The following MSRA variants were observed in gnomAD, a reference collection of about 807,000 sequenced individuals.
MSRA encodes the protein methionine sulfoxide reductase A, also known as mitochondrial peptide methionine sulfoxide reductase.
In MSRA, 54 loss-of-function variants were observed where a neutral mutation model predicts 31.3. That is an observed-to-expected ratio of 1.73 (90% CI 1.39 to 2.17). The LOEUF (loss-of-function observed/expected upper bound fraction) is 2.17. Among genes scored for constraint, MSRA ranks in the 30% most tolerant of loss-of-function variants. MSRA has a pLI of 0.00. For synonymous variants in MSRA, 169 were observed against 116.5 expected (o/e 1.45, Z -2.90); for missense variants, 507 against 300.9 (o/e 1.69, Z -5.07).
At chr8:10,322,325 T>A (rs949531117) in intron 5 of MSRA, among the ~76,000 whole-genome samples, 2 of 146,340 alleles carry the variant, frequency 1.4e-5, no homozygotes, top group Non-Finnish European at 3.0e-5. Flanking sequence ...GCAGCTATTA[T>A]AGGATTCCGG....
At chr8:10,118,100 C>T (rs1301530379) in intron 1 of MSRA, among the ~76,000 whole-genome samples, 1 of 152,146 alleles carries the variant, frequency 6.6e-6, no homozygotes, top group Non-Finnish European at 1.5e-5. Flanking sequence ...TGTTCATTCT[C>T]CCCTTGGGCT....
chr8:10,285,686 C>T (rs531494507), intron 3 of MSRA, among the ~76,000 whole-genome samples: 113 of 152,020 alleles, frequency 7.4e-4, no homozygotes, highest in African/African-American at 2.6e-3. Flanking sequence ...CCACTCTACT[C>T]TCTACTTCTA....
chr8:10,170,255 A>T (rs1347962765), intron 1 of MSRA, among the ~76,000 whole-genome samples: 1 of 151,996 alleles, frequency 6.6e-6, no homozygotes, highest in Non-Finnish European at 1.5e-5. Context: ...CTAATCTCCA[A>T]TGTGATGATA....
chr8:10,403,752 G>A (rs957793888), intron 5 of MSRA, among the ~76,000 whole-genome samples: 16 of 152,194 alleles, frequency 1.1e-4, no homozygotes, highest in African/African-American at 3.6e-4. Context: ...CAGCGATGCC[G>A]GTGGCTTCCA....
At chr8:10,087,239 G>A (rs990034018) in intron 1 of MSRA, among the ~76,000 whole-genome samples, 1 of 152,132 alleles carries the variant, frequency 6.6e-6, no homozygotes, top group Admixed American at 6.5e-5. Context: ...TATAAAATGA[G>A]TATGTTGGTG....
chr8:10,390,245 C>T (rs564272880), intron 5 of MSRA, among the ~76,000 whole-genome samples: 1 of 152,306 alleles, frequency 6.6e-6, no homozygotes, highest in East Asian at 1.9e-4. Context: ...GTGGGGCAGG[C>T]AGCCCTGAGA....
chr8:10,163,438 A>G (rs1433878596), intron 1 of MSRA, among the ~76,000 whole-genome samples: 1 of 152,184 alleles, frequency 6.6e-6, no homozygotes, highest in Non-Finnish European at 1.5e-5. Context: ...ACTGTTAATC[A>G]GCTGCCGCTG....
At chr8:10,238,432 C>G (rs954657364) in intron 2 of MSRA, among the ~76,000 whole-genome samples, 2 of 152,212 alleles carry the variant, frequency 1.3e-5, no homozygotes, top group Non-Finnish European at 2.9e-5. Context: ...AGTATACACA[C>G]TAAACAGGGT....
intron 1 of MSRA, among the ~76,000 whole-genome samples, chr8:10,124,212 A>T (rs954882389): frequency 3.3e-5 from 5 of 152,156 alleles, no homozygotes; most frequent in Non-Finnish European, 5.9e-5. Context: ...AAGATTTGTG[A>T]TAGATAAGTG....
intron 5 of MSRA, among the ~76,000 whole-genome samples, chr8:10,422,626 C>T (rs554075478): frequency 1.7e-4 from 26 of 152,280 alleles, no homozygotes; most frequent in South Asian, 4.1e-4. Flanking sequence ...AGTCAAGATA[C>T]TTGGAGTCAG....
At chr8:10,318,065 C>T (rs1238181962) in intron 4 of MSRA, among the ~76,000 whole-genome samples, 3 of 152,222 alleles carry the variant, frequency 2.0e-5, no homozygotes, top group African/African-American at 7.2e-5. Flanking sequence ...GGGATGCCCC[C>T]TCCCCAGCAG....
intron 5 of MSRA, among the ~76,000 whole-genome samples, chr8:10,404,244 A>C (rs1807651966): frequency 6.6e-6 from 1 of 152,124 alleles, no homozygotes; most frequent in African/African-American, 2.4e-5. Flanking sequence ...ATAGCAAGGC[A>C]GGGACCTTCC....
chr8:10,228,997 G>C (rs28733042), intron 2 of MSRA, among the ~76,000 whole-genome samples: 327 of 152,166 alleles, frequency 2.1e-3, no homozygotes, highest in African/African-American at 7.6e-3. Context: ...AAGTTGAGGA[G>C]AAGAAAAAAA....
intron 5 of MSRA, among the ~76,000 whole-genome samples, chr8:10,374,260 AG>A (rs1359138606): frequency 6.6e-6 from 1 of 152,226 alleles, no homozygotes; most frequent in Non-Finnish European, 1.5e-5. Context: ...CTATGGACAG[AG>A]ATATTAGAGG....
In MSRA at chr8:10,397,947, A is replaced by G. The variant is rs1423832302; in HGVS notation, c.544-30201A>G. On this transcript the variant is annotated intron_variant, in intron 5 of 5. Transcript: ENST00000317173. ...GAGGCCCCTCTTCCCTCTCTTGTTAATGTGAAAAGCCTTGAACTTGGGCTA... is the reference window on the plus strand; with the variant it reads ...GAGGCCCCTCTTCCCTCTCTTGTTAGTGTGAAAAGCCTTGAACTTGGGCTA... 2.0e-5 allele frequency among the ~76,000 whole-genome samples: 3 copies of G among 152,202 alleles called. No individual in the cohort carries two copies. In the East Asian group the frequency reaches 5.8e-4, roughly 29 times the overall value.
At chr8:10,248,408 C>G (rs1797735618) in intron 3 of MSRA, among the ~76,000 whole-genome samples, 1 of 152,142 alleles carries the variant, frequency 6.6e-6, no homozygotes, top group Non-Finnish European at 1.5e-5. Flanking sequence ...AGCTTTACCA[C>G]CGCTCTGTGC....
intron 2 of MSRA, among the ~76,000 whole-genome samples, chr8:10,217,245 G>A (rs1226329213): frequency 6.6e-6 from 1 of 152,134 alleles, no homozygotes; most frequent in Non-Finnish European, 1.5e-5. Flanking sequence ...GTACTACAAG[G>A]CATTTAGGCA....
At chr8:10,304,023 C>G (rs116064445) in intron 4 of MSRA, among the ~76,000 whole-genome samples, 2,460 of 152,330 alleles carry the variant, frequency 0.016, 75 homozygotes, top group African/African-American at 0.056. Flanking sequence ...GAACCCTCCA[C>G]CTCCCAGGTG....
chr8:10,196,400 G>A (rs1034165268), intron 1 of MSRA, among the ~76,000 whole-genome samples: 1 of 152,084 alleles, frequency 6.6e-6, no homozygotes, highest in Non-Finnish European at 1.5e-5. Flanking sequence ...ACAATACCTG[G>A]GGACTCTGTA....
Sources: gnomAD v4.1 joint callset for allele counts (sites outside exome capture counted in the v4.1 genomes callset) on GRCh38, gnomAD v4.1.1 for gene constraint, MANE v1.5 for transcripts, NCBI Gene and HGNC (gene_info 2026-07-23, HGNC 2026-07-21) for gene names.